MIPEP: variants seen among roughly 807,000 people sequenced by gnomAD.
MIPEP encodes mitochondrial intermediate peptidase.
Under a neutral mutation model 90.3 loss-of-function variants are expected in MIPEP, and 79 were observed. The ratio of observed to expected loss-of-function variants is 0.87; its 90% CI spans 0.73 to 1.05. The LOEUF (loss-of-function observed/expected upper bound fraction) is 1.05, where lower values mean the gene tolerates loss of function less well. Among genes scored for constraint, MIPEP ranks in the 50% least tolerant of loss-of-function variants. The probability of loss-of-function intolerance (pLI) is 0.00; values close to 1 mark genes in which losing one functional copy is unlikely to be tolerated. For missense variants in MIPEP, 940 were observed against 905.6 expected, an observed-to-expected ratio of 1.04 and a Z score of -0.49; for synonymous variants, 334 against 315.8, an observed-to-expected ratio of 1.06 and a Z score of -0.61.
At chr13:23,887,492 C>A (rs562910024) in intron 1 of MIPEP, among the ~76,000 whole-genome samples, 3 of 152,114 alleles carry the variant, frequency 2.0e-5, no homozygotes, top group African/African-American at 7.2e-5. Context: ...GAACTCGAAC[C>A]CGCTCTGTAC....
intron 14 of MIPEP, among the ~76,000 whole-genome samples, chr13:23,812,613 C>T (rs549653847): frequency 1.3e-5 from 2 of 152,172 alleles, no homozygotes; most frequent in South Asian, 2.1e-4. Flanking sequence ...TCACTCTCCC[C>T]GTCCCTCGCT....
chr13:23,761,960 A>G (rs1273518358), intron 16 of MIPEP, among the ~76,000 whole-genome samples: 3 of 152,156 alleles, frequency 2.0e-5, no homozygotes, highest in African/African-American at 7.2e-5. Context: ...CCCTGTCTCT[A>G]CTAAACATAC....
intron 18 of MIPEP, chr13:23,747,521 G>A (rs760245538): frequency 7.9e-6 from 4 of 507,200 alleles, no homozygotes; most frequent in Admixed American, 6.0e-5. Flanking sequence ...CTAAAACACC[G>A]TGACAGGAAG....
chr13:23,823,367 T>C (rs1007334237), intron 14 of MIPEP, among the ~76,000 whole-genome samples: 1 of 152,188 alleles, frequency 6.6e-6, no homozygotes, highest in Non-Finnish European at 1.5e-5. Flanking sequence ...GTTAATGAAC[T>C]TCTAAAATGT....
chr13:23,880,231 G>A (rs1475767798), intron 3 of MIPEP, among the ~76,000 whole-genome samples: 12 of 152,192 alleles, frequency 7.9e-5, no homozygotes, highest in East Asian at 1.9e-4. Flanking sequence ...CTAGTGAAAC[G>A]TAGATAGTCA....
At chr13:23,819,537 C>T (rs1953280757) in intron 14 of MIPEP, among the ~76,000 whole-genome samples, 2 of 152,082 alleles carry the variant, frequency 1.3e-5, no homozygotes, top group Non-Finnish European at 2.9e-5. Flanking sequence ...GGATCTATAA[C>T]CAAATTTGTT....
rs571460685 is a variant in MIPEP at position 23,837,465 on chromosome 13, T to A, written c.1543+87A>T. 2.2e-3 allele frequency: 2,300 copies of A among 1,042,926 alleles called. 66 individuals are homozygous for A. The South Asian group carries it at 0.03, about 14-fold the overall frequency. The allele number at this position is 1,042,926 out of a possible 1,614,324, so 64.6% of individuals were successfully genotyped here. A position where few individuals can be genotyped will look rare whatever the true frequency, so the allele number is the denominator to read the frequency against. ...CAGGACACGGTAAAATGATCACATT[T>A]TCCAAATAAAAAGCCCCTTTCCCAA... On this transcript the variant is annotated intron_variant, in intron 13 of 18. Transcript: ENST00000382172.
chr13:23,767,218 G>A (rs1199231670), intron 16 of MIPEP, among the ~76,000 whole-genome samples: 2 of 152,326 alleles, frequency 1.3e-5, no homozygotes, highest in East Asian at 3.9e-4. Context: ...GGCACAGCAA[G>A]CAGCTACACT....
chr13:23,759,158 GA>G (rs919210614), intron 17 of MIPEP, among the ~76,000 whole-genome samples: 2 of 152,128 alleles, frequency 1.3e-5, no homozygotes, highest in Non-Finnish European at 2.9e-5. Context: ...GCCTTCTAAG[GA>G]ATCATAGGAC....
chr13:23,788,636 G>A (rs1952871789), intron 16 of MIPEP, among the ~76,000 whole-genome samples: 1 of 152,226 alleles, frequency 6.6e-6, no homozygotes, highest in African/African-American at 2.4e-5. Flanking sequence ...AGATAGGAGA[G>A]CTGGATTACT....
At chr13:23,844,026 G>A (rs11620580) in intron 10 of MIPEP, among the ~76,000 whole-genome samples, 5 of 152,084 alleles carry the variant, frequency 3.3e-5, no homozygotes, top group African/African-American at 1.2e-4. Flanking sequence ...AGGGCTCACA[G>A]AAAATAAACT....
chr13:23,782,902 C>T (rs569495011), intron 16 of MIPEP, among the ~76,000 whole-genome samples: 4 of 152,136 alleles, frequency 2.6e-5, no homozygotes, highest in Non-Finnish European at 4.4e-5. Flanking sequence ...CAAGACTAAA[C>T]CAGGAAGAAG....
intron 16 of MIPEP, among the ~76,000 whole-genome samples, chr13:23,791,326 T>C (rs1952895988): frequency 1.3e-5 from 2 of 152,168 alleles, no homozygotes; most frequent in African/African-American, 4.8e-5. Context: ...CTTGGGCCCT[T>C]AACGTGGCCT....
At chr13:23,733,786 T>C (rs1952230824) in intron 18 of MIPEP, among the ~76,000 whole-genome samples, 1 of 152,246 alleles carries the variant, frequency 6.6e-6, no homozygotes, top group South Asian at 2.1e-4. Context: ...CTAATGTCTA[T>C]CTAAATTCTA....
At chr13:23,806,179 G>A in intron 15 of MIPEP, 110 bp from the exon 16 acceptor site, 2 of 1,086,262 alleles carry the variant, frequency 1.8e-6, no homozygotes, top group Non-Finnish European at 2.7e-6. Context: ...AATCACAGTT[G>A]AAAACAGTCA....
At chr13:23,765,217 C>T (rs568050919) in intron 16 of MIPEP, among the ~76,000 whole-genome samples, 1 of 152,200 alleles carries the variant, frequency 6.6e-6, no homozygotes, top group South Asian at 2.1e-4. Flanking sequence ...AGAACCAATT[C>T]CCCACAGATG....
intron 18 of MIPEP, among the ~76,000 whole-genome samples, chr13:23,743,647 C>T (rs929977120): frequency 1.4e-4 from 22 of 152,230 alleles, no homozygotes; most frequent in African/African-American, 5.3e-4. Flanking sequence ...AGTACAGCCC[C>T]ACATATGTGC....
At chr13:23,885,313 AT>A (rs1318322207) in intron 2 of MIPEP, among the ~76,000 whole-genome samples, 1 of 152,174 alleles carries the variant, frequency 6.6e-6, no homozygotes, top group Non-Finnish European at 1.5e-5. Flanking sequence ...GCAGGGTGGC[AT>A]GGGGGAGGTG....
intron 14 of MIPEP, among the ~76,000 whole-genome samples, chr13:23,824,932 C>T (rs1447808395): frequency 6.6e-6 from 1 of 152,140 alleles, no homozygotes; most frequent in African/African-American, 2.4e-5. Flanking sequence ...CAGGGTTCAA[C>T]ACTAAACATT....
Sources: allele counts gnomAD v4.1 joint callset (sites outside exome capture counted in the v4.1 genomes callset), GRCh38; gene constraint gnomAD v4.1.1; transcripts MANE v1.5; gene names NCBI Gene and HGNC (gene_info 2026-07-23, HGNC 2026-07-21).